CDH23: variants seen among roughly 807,000 people sequenced by gnomAD.
The protein encoded by CDH23 is cadherin related 23, also known as cadherin-23.
CDH23 carries 189 observed loss-of-function variants against 317.1 expected under a neutral mutation model. The ratio of observed to expected loss-of-function variants is 0.60; its 90% CI spans 0.53 to 0.67. CDH23 has a LOEUF of 0.67. CDH23 is among the 30% of genes least tolerant of loss of function. The pLI, the probability that CDH23 is intolerant of heterozygous loss-of-function variation, is 0.00. For synonymous variants in CDH23, 1,839 were observed against 1,876.8 expected (o/e 0.98, Z 0.52); for missense variants, 4,401 against 4,592.4 (o/e 0.96, Z 1.20).
rs369798479 is a variant in CDH23, at chr10:71,750,389, T to C, written c.4845+8468T>C. ...AAGTGTCCCAGGGTGGACAAGACAT[T>C]GTGTGGCACCCTTGCAATGGCCCGC... On this transcript the variant is annotated intron_variant, in intron 38 of 69. Transcript: ENST00000224721. 4 of 150,080 alleles carry C rather than the reference T, an allele frequency of 2.7e-5. No homozygotes were observed. The East Asian group carries it at 8.1e-4, about 30-fold the overall frequency. The allele number at this position is 150,080 out of a possible 1,614,324, so 9.3% of individuals were successfully genotyped here.
chr10:71,592,640 C>T (rs1859571187), intron 9 of CDH23, among the ~76,000 whole-genome samples: 1 of 152,190 alleles, frequency 6.6e-6, no homozygotes, highest in South Asian at 2.1e-4. Context: ...CTTGTGATTA[C>T]ATTTAGGGCC....
chr10:71,487,265 G>A (rs1409837487), intron 3 of CDH23, among the ~76,000 whole-genome samples: 1 of 152,198 alleles, frequency 6.6e-6, no homozygotes, highest in Non-Finnish European at 1.5e-5. Flanking sequence ...ATATATATGA[G>A]TGTGTATATG....
intron 11 of CDH23, among the ~76,000 whole-genome samples, chr10:71,619,203 T>C (rs761304561): frequency 1.3e-5 from 2 of 151,792 alleles, no homozygotes; most frequent in African/African-American, 2.4e-5. Flanking sequence ...GGCATGATGG[T>C]GTGCACCTGT....
intron 30 of CDH23, 54 bp from the exon 31 acceptor site, chr10:71,730,415 G>A: frequency 6.3e-7 from 1 of 1,595,412 alleles, no homozygotes; most frequent in Non-Finnish European, 8.5e-7. Flanking sequence ...CAAGCCCTGG[G>A]CTTCCCAGCC....
intron 43 of CDH23, among the ~76,000 whole-genome samples, 169 bp downstream of exon 43, chr10:71,785,269 A>G (rs1589420094): frequency 1.3e-5 from 2 of 152,190 alleles, no homozygotes; most frequent in Admixed American, 6.5e-5. Context: ...TCACCAGTGA[A>G]CCATCTCTGG....
intron 3 of CDH23, among the ~76,000 whole-genome samples, chr10:71,465,411 T>C (rs2132071713): frequency 6.6e-6 from 1 of 152,310 alleles, no homozygotes; most frequent in African/African-American, 2.4e-5. Context: ...CAAAGGACAT[T>C]CTCTAGCCAC....
Position 71,625,396 on chromosome 10 carries a change from TAAAAAAAAAAAAAAAA to T in CDH23, c.1134+8016_1134+8031del, listed in dbSNP as rs1156772192. Among the ~76,000 whole-genome samples, 7 of 19,836 alleles carry T rather than the reference TAAAAAAAAAAAAAAAA, an allele frequency of 3.5e-4. 1 individual carries two copies. Among genetic ancestry groups the T allele is most frequent in the Non-Finnish European group, 5.1e-4 (5 of 9,870 alleles). The allele number at this position is 19,836 out of a possible 152,430, so 13.0% of individuals were successfully genotyped here. A position where few individuals can be genotyped will look rare whatever the true frequency, so the allele number is the denominator to read the frequency against. ...ATGGAGAAAACATCACCAAATAAAT[TAAAAAAAAAAAAAAAA>T]AAAAAAAAAAAATGACAAGGAGAAA... On this transcript the variant is annotated intron_variant, in intron 11 of 69. Transcript: ENST00000224721.
intron 22 of CDH23, among the ~76,000 whole-genome samples, chr10:71,695,778 G>A (rs1297172661): frequency 6.6e-6 from 1 of 152,202 alleles, no homozygotes; most frequent in Non-Finnish European, 1.5e-5. Flanking sequence ...GGCAGCCCAG[G>A]GACAGTGGCA....
Position 71,807,348 on chromosome 10 carries a change from G to A in CDH23, c.8250G>A (p.Val2750=), listed in dbSNP as rs756460216. Residue 2750 remains valine (V), a synonymous_variant, in exon 58 of 70, where the codon GTG becomes GTA. Coordinates refer to ENST00000224721, the MANE Select transcript of CDH23 (RefSeq NM_022124.6). ...CACGCGGCACCCTCGTGGGCAACGT[G>A]ACAGGCGCAGTGGATGCAGATGAGG... The part of the protein sequence containing the change: ...HSPRGTLVGN[V]TGAVDADEGP... 2 of 1,613,910 alleles carry A rather than the reference G, an allele frequency of 1.2e-6. No homozygotes were observed. The highest frequency in any genetic ancestry group is 2.2e-5 in the East Asian group (1 of 44,870).
intron 38 of CDH23, among the ~76,000 whole-genome samples, chr10:71,743,407 T>C (rs1042353658): frequency 1.3e-5 from 2 of 152,170 alleles, no homozygotes; most frequent in Non-Finnish European, 2.9e-5. Context: ...GGAGCTTCTC[T>C]GGAGATGTTG....
At chr10:71,651,154 C>A (rs1046666154) in intron 14 of CDH23, among the ~76,000 whole-genome samples, 1 of 152,152 alleles carries the variant, frequency 6.6e-6, no homozygotes, top group Non-Finnish European at 1.5e-5. Context: ...GGTACCTGAC[C>A]TTGCCTGGGG....
At chr10:71,502,807 A>G (rs549245900) in intron 3 of CDH23, among the ~76,000 whole-genome samples, 6 of 152,322 alleles carry the variant, frequency 3.9e-5, no homozygotes, top group Admixed American at 3.3e-4. Flanking sequence ...AGGAGGGAGC[A>G]GGGTATGTTC....
At chr10:71,608,680 C>T (rs1490996922) in intron 9 of CDH23, among the ~76,000 whole-genome samples, 2 of 152,232 alleles carry the variant, frequency 1.3e-5, no homozygotes, top group Non-Finnish European at 2.9e-5. Context: ...CTCAAGGCCA[C>T]GCTGGGTCTC....
At chr10:71,414,595 C>T (rs1848462029) in intron 1 of CDH23, among the ~76,000 whole-genome samples, 1 of 152,126 alleles carries the variant, frequency 6.6e-6, no homozygotes, top group African/African-American at 2.4e-5. Flanking sequence ...TGTATTTTGG[C>T]ATAAATGAAT....
intron 38 of CDH23, chr10:71,773,547 C>G: frequency 8.9e-7 from 1 of 1,121,298 alleles, no homozygotes; most frequent in Non-Finnish European, 1.2e-6. Flanking sequence ...GCGCTGCGGG[C>G]GGCCCCAGCG....
intron 48 of CDH23, chr10:71,796,144 G>A: frequency 3.1e-6 from 3 of 961,494 alleles, no homozygotes; most frequent in Non-Finnish European, 3.7e-6. Flanking sequence ...GATCTGCCAA[G>A]GGGGAAGGGA....
At chr10:71,602,121 G>C (rs1302641143) in intron 9 of CDH23, among the ~76,000 whole-genome samples, 1 of 152,130 alleles carries the variant, frequency 6.6e-6, no homozygotes, top group Non-Finnish European at 1.5e-5. Flanking sequence ...AGTCCTGACG[G>C]AGCACAATTT....
chr10:71,700,892 A>G (rs999596602), intron 22 of CDH23, among the ~76,000 whole-genome samples: 14 of 152,206 alleles, frequency 9.2e-5, no homozygotes, highest in African/African-American at 3.1e-4. Flanking sequence ...CTGGGGATTA[A>G]GCAGAGGAGG....
intron 2 of CDH23, among the ~76,000 whole-genome samples, chr10:71,445,332 C>T (rs1850102598): frequency 1.3e-5 from 2 of 152,188 alleles, no homozygotes; most frequent in South Asian, 2.1e-4. Context: ...TTATCATCAT[C>T]GTTATTATTC....
Sources: allele counts gnomAD v4.1 joint callset (sites outside exome capture counted in the v4.1 genomes callset), GRCh38; gene constraint gnomAD v4.1.1; transcripts MANE v1.5; gene names NCBI Gene and HGNC (gene_info 2026-07-23, HGNC 2026-07-21).